The following C16orf89 variants were observed in gnomAD, a reference collection of about 807,000 sequenced individuals.
C16orf89 encodes chromosome 16 open reading frame 89, also known as UPF0764 protein C16orf89.
C16orf89 carries 57 observed loss-of-function variants against 41.5 expected under a neutral mutation model. The observed-to-expected ratio is 1.38, with a 90% confidence interval of 1.11 to 1.71. C16orf89 has a LOEUF of 1.71. C16orf89 is among the 40% of genes most tolerant of loss of function. The pLI, the probability that C16orf89 is intolerant of heterozygous loss-of-function variation, is 0.00. For missense variants in C16orf89, 575 were observed against 445.9 expected (o/e 1.29, Z -2.61); for synonymous variants, 223 against 190.6 (o/e 1.17, Z -1.40).
intron 6 of C16orf89, among the ~76,000 whole-genome samples, chr16:5,054,334 G>T (rs1363626698): frequency 2.0e-5 from 3 of 152,136 alleles, no homozygotes; most frequent in African/African-American, 7.2e-5. Flanking sequence ...AAAGGGACCA[G>T]CTGTCCATTG....
In C16orf89 at chr16:5,047,943, G is replaced by C. The variant is rs1471639608; in HGVS notation, c.890C>G (p.Ser297Cys). Residue 297 changes from serine (S) to cysteine (C), a missense_variant, in exon 7 of 8, where the codon TCT (serine) becomes TGT (cysteine). Physicochemically the swap from Ser to Cys is moderately radical, Grantham distance 112 (BLOSUM62 -1). Coordinates refer to ENST00000472572, the MANE Select transcript of C16orf89 (RefSeq NM_001098514.3). Reference protein sequence around the residue: ...GEPDAEDEELSKAIQYQQHFS... With the variant: ...GEPDAEDEELCKAIQYQQHFS... Reference sequence around the variant, plus strand: ...ATGCTGCTGATATTGAATAGCTTTAGATAATTCTTCATCTTCAGCATCTGG... The same window carrying C: ...ATGCTGCTGATATTGAATAGCTTTACATAATTCTTCATCTTCAGCATCTGG... 14 of 1,597,744 alleles carry C rather than the reference G, an allele frequency of 8.8e-6. No homozygotes were observed. In the East Asian group the frequency reaches 2.7e-4, roughly 31 times the overall value.
intron 4 of C16orf89, among the ~76,000 whole-genome samples, chr16:5,057,764 A>C (rs1956540646): frequency 6.6e-6 from 1 of 151,920 alleles, no homozygotes; most frequent in African/African-American, 2.4e-5. Flanking sequence ...CCTGATCTCA[A>C]GTGATCCACC....
chr16:5,055,293 G>T lies in C16orf89; in HGVS notation c.821C>A (p.Ala274Asp). Residue 274 changes from alanine (A) to aspartate (D), a missense_variant, in exon 6 of 8, where the codon GCC becomes GAC. Ala to Asp is a moderately radical substitution (Grantham distance 126). Coordinates refer to ENST00000472572, the MANE Select transcript of C16orf89 (RefSeq NM_001098514.3). ...CTGCTGTTTCTGCCAGCTGAGAATG[G>T]CCTCCAGCCACCGGAGCTTGTAGAA... The part of the protein sequence containing the change: ...SDFYKLRWLE[A>D]ILSWQKQQEG... 1 of 1,613,586 alleles carries T rather than the reference G, an allele frequency of 6.2e-7. No individual in the cohort carries two copies. The highest frequency in any genetic ancestry group is 8.5e-7 in the Non-Finnish European group (1 of 1,179,776).
At chr16:5,055,210 G>GC in intron 6 of C16orf89, 36 bp downstream of exon 6, 1 of 1,512,630 alleles carries the variant, frequency 6.6e-7, no homozygotes, top group Non-Finnish European at 9.1e-7. Flanking sequence ...CACCCCCACT[G>GC]CCCCCCTTCT....
intron 6 of C16orf89, among the ~76,000 whole-genome samples, chr16:5,053,761 G>A (rs182792026): frequency 1.3e-4 from 20 of 152,232 alleles, no homozygotes; most frequent in East Asian, 1.2e-3. Flanking sequence ...TGGCCAGGCC[G>A]GTTTCTAATT....
Position 5,056,166 on chromosome 16 carries a change from A to G in C16orf89, c.650T>C (p.Leu217Pro). ...GTTGATATAGTCCTGGCTCTGTTGG[A>G]GTGGTCCCTGTGTGCACCCCCTCTG... ...ARMRGCTQGP[L>P]QQSQDYINLF... is the part of the protein sequence containing the mutation. The change falls in exon 5 of 8, where the codon CTC becomes CCC. Residue 217 changes from leucine (L) to proline (P), a missense_variant. Coordinates refer to ENST00000472572, the MANE Select transcript of C16orf89 (RefSeq NM_001098514.3). 6.3e-7 allele frequency: 1 copy of G among 1,592,380 alleles called. No individual in the cohort carries two copies. The highest frequency in any genetic ancestry group is 8.6e-7 in the Non-Finnish European group (1 of 1,161,670).
chr16:5,060,315 G>A lies in C16orf89; in HGVS notation c.480C>T (p.Asp160=), dbSNP rs774039023. 6.2e-6 allele frequency: 10 copies of A among 1,612,190 alleles called. No individual in the cohort carries two copies. The highest frequency in any genetic ancestry group is 4.5e-5 in the East Asian group (2 of 44,556). The change falls in exon 3 of 8, where the codon GAC becomes GAT. Residue 160 remains aspartate, a synonymous_variant. Coordinates refer to ENST00000472572, the MANE Select transcript of C16orf89 (RefSeq NM_001098514.3). ...PQDSFSEERS[D]VCLVQLLGTG... The stretch of plus-strand genomic sequence containing the variant: ...TTCCCAGCAGCTGCACCAGGCACAC[G>A]TCACTTCTCTCCTCTGAGAATGAGT...
chr16:5,053,212 A>G (rs1956429642), intron 6 of C16orf89, among the ~76,000 whole-genome samples: 1 of 152,092 alleles, frequency 6.6e-6, no homozygotes. Context: ...TCTACTAAAA[A>G]TACAAAAATT....
rs866204236 is a variant in C16orf89, at chr16:5,065,928, C to T, written c.-20G>A. The stretch of plus-strand genomic sequence containing the variant: ...GGCCATGGCCGGCCTCTGCTCACTG[C>T]TGGTCACACGCTCAGCACCCTGAGC... On this transcript the variant is annotated 5_prime_UTR_variant, in exon 1 of 8. Transcript: ENST00000472572. 6.2e-7 allele frequency: 1 copy of T among 1,609,832 alleles called. No homozygotes were observed. Among genetic ancestry groups the T allele is most frequent in the Non-Finnish European group, 8.5e-7 (1 of 1,178,502 alleles).
rs371961030 is a variant in C16orf89 at position 5,065,714 on chromosome 16, G to A, written c.195C>T (p.Val65=). The part of the protein sequence containing the change: ...PEINLDGMVG[V]RVLEEQLKSV... ...GGGCTCACTCACCTTCCAGCACTCG[G>A]ACCCCCACCATGCCATCCAGGTTGA... Residue 65 remains valine (V), a synonymous_variant, in exon 1 of 8, where the codon GTC becomes GTT. Transcript: ENST00000472572. 1.1e-5 allele frequency: 18 copies of A among 1,613,356 alleles called. No homozygotes were observed. The highest frequency in any genetic ancestry group is 1.5e-5 in the Non-Finnish European group (18 of 1,179,406).
intron 3 of C16orf89, among the ~76,000 whole-genome samples, chr16:5,059,574 A>G (rs915519893): frequency 1.3e-5 from 2 of 152,148 alleles, no homozygotes; most frequent in East Asian, 3.9e-4. Flanking sequence ...GCTCTGAAGG[A>G]TGCTGACAGG....
Position 5,048,968 on chromosome 16 carries a change from A to G in C16orf89, c.869-1004T>C, listed in dbSNP as rs538876292. Among the ~76,000 whole-genome samples the G allele has an allele frequency of 5.9e-5, 9 of 152,336 alleles. No homozygotes were observed. In the South Asian group the frequency reaches 1.7e-3, roughly 28 times the overall value. On this transcript the variant is annotated intron_variant, in intron 6 of 7. Transcript: ENST00000472572. ...AACGACCCAACTATATGCTGCCTAC[A>G]AGAATCTCACTTCACTGGTAAAGAC...
chr16:5,044,423 T>C lies in C16orf89; in HGVS notation c.1011A>G (p.Leu337=), dbSNP rs777663090. The C allele has an allele frequency of 1.2e-6, 2 of 1,612,998 alleles. No individual in the cohort carries two copies. Among genetic ancestry groups the C allele is most frequent in the South Asian group, 2.2e-5 (2 of 91,006 alleles). The change falls in exon 8 of 8, where the codon CTA becomes CTG. Residue 337 remains leucine (L), a synonymous_variant. Transcript: ENST00000472572. ...CTGGGGGGTATTCTGCCAGGATGTATAGGAAGCCACCCAGGGCTGCCACTG... is the reference window on the plus strand; with the variant it reads ...CTGGGGGGTATTCTGCCAGGATGTACAGGAAGCCACCCAGGGCTGCCACTG... ...ATAVAALGGF[L]YILAEYPPAN... is the part of the protein sequence containing the mutation.
At chr16:5,058,658 C>T in intron 3 of C16orf89, 48 bp from the exon 4 acceptor site, 4 of 1,458,758 alleles carry the variant, frequency 2.7e-6, no homozygotes, top group Non-Finnish European at 3.8e-6. Flanking sequence ...GCTGACTCTG[C>T]CCTGCGTCTT....
At chr16:5,045,380 A>G (rs1465210900) in intron 7 of C16orf89, among the ~76,000 whole-genome samples, 2 of 152,282 alleles carry the variant, frequency 1.3e-5, no homozygotes, top group East Asian at 3.9e-4. Flanking sequence ...CTCAGGCCTG[A>G]GCACTTGCCT....
intron 2 of C16orf89, 131 bp from the exon 3 acceptor site, chr16:5,060,567 C>G: frequency 1.1e-6 from 1 of 925,756 alleles, no homozygotes; most frequent in Non-Finnish European, 1.5e-6. Context: ...AAGCCCTGTC[C>G]CCTGGTCCCA....
chr16:5,047,962 C>A lies in C16orf89; in HGVS notation c.871G>T (p.Ala291Ser). 3 of 1,562,684 alleles carry A rather than the reference C, an allele frequency of 1.9e-6. No individual in the cohort carries two copies. Among genetic ancestry groups the A allele is most frequent in the Non-Finnish European group, 2.6e-6 (3 of 1,135,094 alleles). The change falls in exon 7 of 8, where the codon GCT (alanine) becomes TCT (serine). Residue 291 changes from alanine to serine, a missense_variant and splice_region_variant. Ala to Ser is a moderately conservative substitution (Grantham distance 99, BLOSUM62 1). Transcript: ENST00000472572. ...QQEGCFGEPD[A>S]EDEELSKAIQ... ...GCTTTAGATAATTCTTCATCTTCAG[C>A]ATCTGGGAGAAGAGCAAAAGTTGAA... is the stretch of plus-strand genomic sequence containing the variant.
intron 7 of C16orf89, among the ~76,000 whole-genome samples, chr16:5,046,147 A>C (rs1956292386): frequency 6.6e-6 from 1 of 152,036 alleles, no homozygotes; most frequent in African/African-American, 2.4e-5. Context: ...GGCAGCTACG[A>C]AACTGACTCA....
chr16:5,057,498 A>G (rs1184832480), intron 4 of C16orf89, among the ~76,000 whole-genome samples: 1 of 149,162 alleles, frequency 6.7e-6, no homozygotes, highest in Admixed American at 6.8e-5. Context: ...TATATATGCC[A>G]CCATATATAT....
Sources: gnomAD v4.1 joint callset for allele counts (sites outside exome capture counted in the v4.1 genomes callset) on GRCh38, gnomAD v4.1.1 for gene constraint, MANE v1.5 for transcripts, NCBI Gene and HGNC (gene_info 2026-07-23, HGNC 2026-07-21) for gene names.